NOS3: variants seen among roughly 807,000 people sequenced by gnomAD.
NOS3 encodes the protein nitric oxide synthase 3.
A neutral mutation model predicts 144.9 loss-of-function variants in NOS3; 98 were observed. That is an observed-to-expected ratio of 0.68 (90% CI 0.57 to 0.80). NOS3 has a LOEUF of 0.80. Ranked by LOEUF, NOS3 falls within the 30% of genes least tolerant of loss-of-function variation. The pLI, the probability that NOS3 is intolerant of heterozygous loss-of-function variation, is 0.00. For synonymous variants in NOS3, 714 were observed against 702.4 expected, an observed-to-expected ratio of 1.02 and a Z score of -0.26; for missense variants, 1,465 against 1,656.4, an observed-to-expected ratio of 0.88 and a Z score of 2.01.
Position 151,009,566 on chromosome 7 carries a change from G to A in NOS3, c.2493G>A (p.Gln831=). ...CCACTGAGCCCGTGGCAGTAGAGCAGCTGGAGAAGGGCAGCCCTGGTGAGG... is the reference window on the plus strand; with the variant it reads ...CCACTGAGCCCGTGGCAGTAGAGCAACTGGAGAAGGGCAGCCCTGGTGAGG... ...PAPTEPVAVE[Q]LEKGSPGGPP... is the part of the protein sequence containing the mutation. Residue 831 remains glutamine (Q), a synonymous_variant, in exon 20 of 27, where the codon CAG becomes CAA. Coordinates refer to ENST00000297494, the MANE Select transcript of NOS3 (RefSeq NM_000603.5). 1 of 1,539,204 alleles carries A rather than the reference G, an allele frequency of 6.5e-7. No homozygotes were observed. The highest frequency in any genetic ancestry group is 8.8e-7 in the Non-Finnish European group (1 of 1,142,596).
chr7:150,998,283 C>A lies in NOS3; in HGVS notation c.583-74C>A. On this transcript the variant is annotated intron_variant, in intron 5 of 26. Coordinates refer to ENST00000297494, the MANE Select transcript of NOS3 (RefSeq NM_000603.5). This position sits in a 1 kb window ranked among gnomAD's most constrained non-coding sequence, Gnocchi z 5.0. The stretch of plus-strand genomic sequence containing the variant: ...ATGGCCCCTGCCTCCTCACCAGCAG[C>A]TCCTCTGGAGCTGATACTCAAGACC... The A allele has an allele frequency of 7.3e-7, 1 of 1,374,242 alleles. No individual in the cohort carries two copies. The highest frequency in any genetic ancestry group is 1.0e-6 in the Non-Finnish European group (1 of 986,232). 85.1% of individuals were successfully genotyped at this position (1,374,242 alleles called of 1,614,324 possible).
rs146723361 is a variant in NOS3 at position 151,002,864 on chromosome 7, T to TG, written c.1752+561dup. 1,452 of 193,116 alleles carry TG rather than the reference T, an allele frequency of 7.5e-3. 19 individuals are homozygous for TG. Among genetic ancestry groups the TG allele is most frequent in the African/African-American group, 0.033 (1,369 of 41,528 alleles). 12.0% of individuals were successfully genotyped at this position (193,116 alleles called of 1,614,324 possible). A position where few individuals can be genotyped will look rare whatever the true frequency, so the allele number is the denominator to read the frequency against. ...CTATTTACGTTGCCCAGGCTGGCCT[T>TG]GAACTCCTAGCCTCAAGAGATCCTC... On this transcript the variant is annotated intron_variant, in intron 14 of 26. Transcript: ENST00000297494. The surrounding 1 kb of genome is among the most constrained non-coding windows in gnomAD (Gnocchi z 4.1).
intron 1 of NOS3, among the ~76,000 whole-genome samples, chr7:150,992,853 T>C (rs986519780): frequency 6.6e-6 from 1 of 152,182 alleles, no homozygotes; most frequent in African/African-American, 2.4e-5. Context: ...GCCCCTCAGA[T>C]GGCACAGAAC....
At chr7:151,012,202 A>G (rs1795318731) in intron 23 of NOS3, 149 bp from the exon 24 acceptor site, 2 of 634,746 alleles carry the variant, frequency 3.2e-6, no homozygotes, top group Non-Finnish European at 5.2e-6. Flanking sequence ...AGTTTCAGCA[A>G]GTAGAGTTGT....
In NOS3 at chr7:151,009,535, C is replaced by T. The variant is rs1228809326; in HGVS notation, c.2462C>T (p.Pro821Leu). The change falls in exon 20 of 27, where the codon CCG becomes CTG. Residue 821 changes from proline to leucine, a missense_variant. Transcript: ENST00000297494. ...CTGCTGAGCCGCGTGGAGGACCCGC[C>T]GGCGCCCACTGAGCCCGTGGCAGTA... ...EALLSRVEDP[P>L]APTEPVAVEQ... 2.6e-6 allele frequency: 4 copies of T among 1,545,110 alleles called. No individual in the cohort carries two copies. The highest frequency in any genetic ancestry group is 3.5e-6 in the Non-Finnish European group (4 of 1,145,822).
chr7:151,008,407 C>G (rs1158367544), intron 17 of NOS3, among the ~76,000 whole-genome samples: 2 of 152,224 alleles, frequency 1.3e-5, no homozygotes, highest in African/African-American at 4.8e-5. Flanking sequence ...GGGATCCACA[C>G]CCTCCCAGGG....
intron 25 of NOS3, 139 bp downstream of exon 25, chr7:151,013,518 A>G: frequency 8.2e-7 from 1 of 1,219,542 alleles, no homozygotes; most frequent in Non-Finnish European, 1.1e-6. Context: ...ACTCTGGCCC[A>G]CCCTTGTGCC....
At position 150,998,899 on chromosome 7, in the gene NOS3, G is replaced by T; in HGVS notation, c.817-47G>T. 1 of 1,579,642 alleles carries T rather than the reference G, an allele frequency of 6.3e-7. No homozygotes were observed. The highest frequency in any genetic ancestry group is 1.1e-5 in the South Asian group (1 of 86,970). On this transcript the variant is annotated intron_variant, in intron 7 of 26. Transcript: ENST00000297494. This position sits in a 1 kb window ranked among gnomAD's most constrained non-coding sequence, Gnocchi z 5.0. ...CAGTGGATGGAGGGGTCCCTGAGGAGGGCATGAGGCTCAGCCCCAGAACCC... is the reference window on the plus strand; with the variant it reads ...CAGTGGATGGAGGGGTCCCTGAGGATGGCATGAGGCTCAGCCCCAGAACCC...
At position 150,993,742 on chromosome 7, in the gene NOS3, C is replaced by T. The variant is rs1193148623; in HGVS notation, c.-51-11C>T. 1.3e-6 allele frequency: 2 copies of T among 1,538,198 alleles called. No homozygotes were observed. Among genetic ancestry groups the T allele is most frequent in the Non-Finnish European group, 1.7e-6 (2 of 1,145,382 alleles). On this transcript the variant is annotated splice_polypyrimidine_tract_variant and intron_variant, in intron 1 of 26. Transcript: ENST00000297494. The surrounding 1 kb of genome is among the most constrained non-coding windows in gnomAD (Gnocchi z 4.0). ...CTGCCCCCTCCTCTCGGTCCCCTCCCTCTTCCTAAGGAAAAGGCCAGGGCT... is the reference window on the plus strand; with the variant it reads ...CTGCCCCCTCCTCTCGGTCCCCTCCTTCTTCCTAAGGAAAAGGCCAGGGCT...
Position 151,009,439 on chromosome 7 carries a change from A to G in NOS3, c.2366A>G (p.Glu789Gly). ...GTGCGCCTGGACACCGGAGGCCAGG[A>G]GGGGCTGCAGTACCAGCCGGGGGAC... ...ILVRLDTGGQ[E>G]GLQYQPGDHI... The change falls in exon 20 of 27, where the codon GAG (glutamate) becomes GGG (glycine). Residue 789 changes from glutamate (E) to glycine (G), a missense_variant. Physicochemically the swap from Glu to Gly is moderately conservative, Grantham distance 98. This residue lies in a region of NOS3 where 745 missense variants were observed against 853.9 expected (regional missense o/e 0.87). Coordinates refer to ENST00000297494, the MANE Select transcript of NOS3 (RefSeq NM_000603.5). 6.5e-7 allele frequency: 1 copy of G among 1,541,352 alleles called. No individual in the cohort carries two copies. The highest frequency in any genetic ancestry group is 8.8e-7 in the Non-Finnish European group (1 of 1,142,802).
intron 1 of NOS3, among the ~76,000 whole-genome samples, chr7:150,992,706 C>G (rs1262168269): frequency 6.7e-6 from 1 of 148,928 alleles, no homozygotes; most frequent in Non-Finnish European, 1.5e-5. Flanking sequence ...GTCTGTCTGT[C>G]TGCTGCTCCT....
chr7:151,000,970 A>G (rs943434207), intron 10 of NOS3, among the ~76,000 whole-genome samples: 1 of 152,096 alleles, frequency 6.6e-6, no homozygotes, highest in African/African-American at 2.4e-5. Context: ...CCTGCTGAGA[A>G]TTTCTGTGGG....
intron 14 of NOS3, among the ~76,000 whole-genome samples, chr7:151,004,614 G>A (rs1029528216): frequency 1.3e-5 from 2 of 152,138 alleles, no homozygotes; most frequent in African/African-American, 2.4e-5. Context: ...AAGTGTGAAC[G>A]AAACACAACC....
intron 17 of NOS3, among the ~76,000 whole-genome samples, chr7:151,008,285 A>G (rs1322229568): frequency 2.6e-5 from 4 of 152,114 alleles, no homozygotes; most frequent in Non-Finnish European, 5.9e-5. Context: ...CACAAAAGAA[A>G]GATTAACGGG....
intron 14 of NOS3, among the ~76,000 whole-genome samples, chr7:151,005,471 C>T (rs1795193158): frequency 6.6e-6 from 1 of 152,136 alleles, no homozygotes; most frequent in South Asian, 2.1e-4. Context: ...GTGACCAGGA[C>T]ACTGCTGAAG....
rs1347479546 is a variant in NOS3 at position 151,007,127 on chromosome 7, C to T, written c.1963C>T (p.Arg655Trp). Residue 655 changes from arginine (R) to tryptophan (W), a missense_variant, in exon 17 of 27, where the codon CGG becomes TGG. Coordinates refer to ENST00000297494, the MANE Select transcript of NOS3 (RefSeq NM_000603.5). Reference protein sequence around the residue: ...LRFCVFGLGSRAYPHFCAFAR... With the variant: ...LRFCVFGLGSWAYPHFCAFAR... The stretch of plus-strand genomic sequence containing the variant: ...GTTCTGTGTGTTCGGGCTCGGCTCC[C>T]GGGCATACCCCCACTTCTGCGCCTT... The T allele has an allele frequency of 6.2e-6, 10 of 1,613,930 alleles. No homozygotes were observed. Among genetic ancestry groups the T allele is most frequent in the Admixed American group, 3.3e-5 (2 of 60,014 alleles).
chr7:151,005,300 C>T (rs1795189455), intron 14 of NOS3, among the ~76,000 whole-genome samples: 1 of 152,284 alleles, frequency 6.6e-6, no homozygotes, highest in African/African-American at 2.4e-5. Flanking sequence ...CTAACTCTGG[C>T]GCACTTGGGA....
Position 150,998,676 on chromosome 7 carries a change from C to A in NOS3, c.812C>A (p.Thr271Asn). ...VRGDPANVEI[T>N]ELCIQHGWTP... The stretch of plus-strand genomic sequence containing the variant: ...GGGGACCCAGCCAACGTGGAGATCA[C>A]CGAGGTGGGCACCGAGGGCCACCCA... The change falls in exon 7 of 27, where the codon ACC becomes AAC. Residue 271 changes from threonine (T) to asparagine (N), a missense_variant. Physicochemically the swap from Thr to Asn is moderately conservative, Grantham distance 65. Transcript: ENST00000297494. The surrounding 1 kb of genome is among the most constrained non-coding windows in gnomAD (Gnocchi z 5.0). 6.2e-7 allele frequency: 1 copy of A among 1,605,806 alleles called. No individual in the cohort carries two copies. Among genetic ancestry groups the A allele is most frequent in the Non-Finnish European group, 8.5e-7 (1 of 1,177,496 alleles).
chr7:151,006,973 CACAG>C lies in NOS3; in HGVS notation c.1910_1913del (p.Asp637ValfsTer100), dbSNP rs746248003. ...GGCGGAAGAGGAAGGAGTCCAGTAA[CACAG>C]ACAGTGCAGGGGCCCTGGGCACCCT... On this transcript the variant is annotated frameshift_variant, in exon 16 of 27. Transcript: ENST00000297494. LOFTEE classifies it high-confidence loss of function. The C allele has an allele frequency of 6.2e-7, 1 of 1,614,154 alleles. No individual in the cohort carries two copies. The highest frequency in any genetic ancestry group is 8.5e-7 in the Non-Finnish European group (1 of 1,180,008).
Sources: gnomAD v4.1 joint callset for allele counts (sites outside exome capture counted in the v4.1 genomes callset) on GRCh38, gnomAD v4.1.1 for gene constraint, gnomAD v4.1.1 regional missense constraint, Gnocchi (gnomAD v3.1) non-coding constraint, MANE v1.5 for transcripts, NCBI Gene and HGNC (gene_info 2026-07-23, HGNC 2026-07-21) for gene names.